The following ELF1 variants were observed in gnomAD, a reference collection of about 807,000 sequenced individuals.
ELF1 encodes the protein ETS-related transcription factor Elf-1.
A neutral mutation model predicts 59.9 loss-of-function variants in ELF1; 24 were observed. The observed-to-expected ratio is 0.40, with a 90% CI of 0.29 to 0.56. The LOEUF is 0.56. ELF1 is among the 20% of genes least tolerant of loss of function. The probability of loss-of-function intolerance (pLI) is 0.44; values close to 1 mark genes in which losing one functional copy is unlikely to be tolerated. For synonymous variants in ELF1, 248 were observed against 266.2 expected (o/e 0.93, Z 0.67); for missense variants, 627 against 742.2 (o/e 0.84, Z 1.80).
intron 1 of ELF1, 134 bp downstream of exon 1, chr13:41,019,094 G>T: frequency 2.8e-6 from 2 of 726,364 alleles, no homozygotes; most frequent in Non-Finnish European, 3.4e-6. Flanking sequence ...AATCAGGCAT[G>T]TGACTGACCA....
rs186371658 is a variant in ELF1 at position 41,007,287 on chromosome 13, G to A, written c.-229+11941C>T. Among the ~76,000 whole-genome samples, 7 of 152,190 alleles carry A rather than the reference G, an allele frequency of 4.6e-5. No homozygotes were observed. The South Asian group carries it at 1.2e-3, about 27-fold the overall frequency. ...ATAACTCATTTCTTTAATTCAGTCT[G>A]AAGTTAAATAATATGCAGCAACTGA... On this transcript the variant is annotated intron_variant, in intron 1 of 8. Transcript: ENST00000239882.
intron 1 of ELF1, among the ~76,000 whole-genome samples, chr13:41,005,732 T>C (rs7335629): frequency 0.047 from 7,193 of 152,242 alleles, 423 homozygotes; most frequent in East Asian, 0.23. Flanking sequence ...GAATCCTGCC[T>C]GCTTCAAGTC....
intron 1 of ELF1, among the ~76,000 whole-genome samples, chr13:41,054,970 G>C (rs1877232515): frequency 6.6e-6 from 1 of 152,158 alleles, no homozygotes; most frequent in African/African-American, 2.4e-5. Flanking sequence ...ACTTTGCTTT[G>C]CTTTAAATAG....
intron 1 of ELF1, among the ~76,000 whole-genome samples, chr13:41,007,895 T>C (rs1266364091): frequency 1.3e-5 from 2 of 152,168 alleles, no homozygotes; most frequent in East Asian, 1.9e-4. Flanking sequence ...AAGGTATTAT[T>C]TGGCTTTTCC....
chr13:41,058,120 G>A (rs934666548), intron 1 of ELF1, among the ~76,000 whole-genome samples: 1 of 152,056 alleles, frequency 6.6e-6, no homozygotes, highest in African/African-American at 2.4e-5. Flanking sequence ...ACATGCCACT[G>A]CTACCTTTGG....
chr13:41,002,613 T>G (rs11619357), intron 1 of ELF1, among the ~76,000 whole-genome samples: 2 of 145,804 alleles, frequency 1.4e-5, no homozygotes, highest in African/African-American at 2.5e-5. Context: ...GCAAGTCCCA[T>G]CTCAAAAAAA....
At chr13:41,060,034 T>G (rs1393012534) in intron 1 of ELF1, among the ~76,000 whole-genome samples, 1 of 152,180 alleles carries the variant, frequency 6.6e-6, no homozygotes, top group African/African-American at 2.4e-5. Flanking sequence ...AAAGGCCTTT[T>G]TTCGAGGGTA....
chr13:40,984,713 T>A (rs367612190), intron 1 of ELF1, among the ~76,000 whole-genome samples: 2 of 152,332 alleles, frequency 1.3e-5, no homozygotes, highest in African/African-American at 4.8e-5. Flanking sequence ...AATCAAGGGA[T>A]GTTTGCTGAT....
chr13:40,957,665 C>T (rs1871538748), intron 3 of ELF1, among the ~76,000 whole-genome samples: 1 of 152,162 alleles, frequency 6.6e-6, no homozygotes, highest in Admixed American at 6.5e-5. Flanking sequence ...GCTTCCTGTA[C>T]AGCCTGCAGA....
At chr13:41,060,706 T>G (rs1372526932) in intron 1 of ELF1, 2 of 160,944 alleles carry the variant, frequency 1.2e-5, no homozygotes, top group African/African-American at 2.4e-5. Flanking sequence ...TCCAAACCGA[T>G]AGTTGCAAAA....
intron 2 of ELF1, among the ~76,000 whole-genome samples, chr13:40,978,927 A>G (rs1406448249): frequency 1.3e-5 from 2 of 152,038 alleles, no homozygotes; most frequent in Non-Finnish European, 2.9e-5. Context: ...GGTTTGTTAC[A>G]TGAGTATATT....
intron 2 of ELF1, among the ~76,000 whole-genome samples, chr13:40,974,589 A>G (rs990083438): frequency 1.3e-5 from 2 of 152,170 alleles, no homozygotes; most frequent in African/African-American, 4.8e-5. Context: ...ACTAAACACT[A>G]GCTACTAAAA....
chr13:41,014,200 C>A (rs7329596), intron 1 of ELF1, among the ~76,000 whole-genome samples: 151,929 of 152,284 alleles, frequency 1, 75,790 homozygotes, highest in Middle Eastern at 1. Context: ...GCAGAGGAGG[C>A]AGGCTCCTTT....
chr13:41,038,449 C>A (rs984246881), intron 1 of ELF1, among the ~76,000 whole-genome samples: 1 of 151,912 alleles, frequency 6.6e-6, no homozygotes, highest in African/African-American at 2.4e-5. Context: ...CCCAGGAGAT[C>A]GAGGTTGCAA....
intron 1 of ELF1, among the ~76,000 whole-genome samples, chr13:40,999,593 C>T (rs758463282): frequency 4.6e-5 from 7 of 152,120 alleles, no homozygotes; most frequent in Admixed American, 6.5e-5. Flanking sequence ...AGATGGTGGT[C>T]GATGACTATA....
At chr13:41,018,278 T>C (rs1018135788) in intron 1 of ELF1, among the ~76,000 whole-genome samples, 1 of 152,222 alleles carries the variant, frequency 6.6e-6, no homozygotes, top group African/African-American at 2.4e-5. Flanking sequence ...GTAGGATGTA[T>C]ACTTGCCAGC....
intron 1 of ELF1, among the ~76,000 whole-genome samples, chr13:40,988,454 C>A (rs1219377007): frequency 6.6e-6 from 1 of 152,180 alleles, no homozygotes; most frequent in African/African-American, 2.4e-5. Flanking sequence ...ATCCCCTAGA[C>A]AAATACCTAG....
At chr13:41,046,303 A>G (rs1335463200) in intron 1 of ELF1, among the ~76,000 whole-genome samples, 1 of 152,140 alleles carries the variant, frequency 6.6e-6, no homozygotes, top group African/African-American at 2.4e-5. Flanking sequence ...TAATATTGTT[A>G]TGTGTGAATT....
At chr13:40,965,641 GA>G (rs926592810) in intron 2 of ELF1, among the ~76,000 whole-genome samples, 1 of 151,774 alleles carries the variant, frequency 6.6e-6, no homozygotes, top group African/African-American at 2.4e-5. Flanking sequence ...AAAAAGAAAT[GA>G]AGGTTTCAAT....
Sources: allele counts gnomAD v4.1 joint callset (sites outside exome capture counted in the v4.1 genomes callset), GRCh38; gene constraint gnomAD v4.1.1; transcripts MANE v1.5; gene names NCBI Gene and HGNC (gene_info 2026-07-23, HGNC 2026-07-21).